The following RPS6KC1 variants were observed in gnomAD, a reference collection of about 807,000 sequenced individuals.
RPS6KC1 encodes inactive ribosomal protein S6 kinase delta-1.
RPS6KC1 carries 54 observed loss-of-function variants against 103.8 expected under a neutral mutation model. That is an observed-to-expected ratio of 0.52 (90% CI 0.42 to 0.65). RPS6KC1 has a LOEUF of 0.65. Among genes scored for constraint, RPS6KC1 ranks in the 30% least tolerant of loss-of-function variants. The probability of loss-of-function intolerance (pLI) is 0.00; values close to 1 mark genes in which losing one functional copy is unlikely to be tolerated. For missense variants in RPS6KC1, 1,151 were observed against 1,253.8 expected (o/e 0.92, Z 1.24); for synonymous variants, 439 against 438.7 (o/e 1.00, Z -0.01).
the RPS6KC1 span, among the ~76,000 whole-genome samples, chr1:213,327,253 A>AAAGAAAGAAAGG: frequency 6.6e-6 from 1 of 151,694 alleles, no homozygotes; most frequent in Non-Finnish European, 1.5e-5. Context: ...AGAAAGAAAG[A>AAAGAAAGAAAGG]AAGAAAGAAA....
the RPS6KC1 span, among the ~76,000 whole-genome samples, chr1:213,642,393 T>G: frequency 6.6e-6 from 1 of 152,158 alleles, no homozygotes; most frequent in Non-Finnish European, 1.5e-5. Flanking sequence ...TAAAAAGTGA[T>G]TTCTGATTAC....
At chr1:213,788,157 T>G in the RPS6KC1 span, among the ~76,000 whole-genome samples, 1 of 152,174 alleles carries the variant, frequency 6.6e-6, no homozygotes, top group Admixed American at 6.5e-5. Context: ...TTGGGGGTCA[T>G]GAAGACATTG....
the RPS6KC1 span, among the ~76,000 whole-genome samples, chr1:213,474,664 T>C: frequency 6.6e-6 from 1 of 152,264 alleles, no homozygotes; most frequent in Non-Finnish European, 1.5e-5. Context: ...TGTATCTGTG[T>C]CTGCAAATTA....
At chr1:213,474,173 G>A in the RPS6KC1 span, among the ~76,000 whole-genome samples, 20 of 152,098 alleles carry the variant, frequency 1.3e-4, no homozygotes, top group African/African-American at 4.8e-4. Context: ...TCCTGGGTTC[G>A]GGGGTAGATG....
chr1:213,695,475 C>T, the RPS6KC1 span, among the ~76,000 whole-genome samples: 1 of 152,194 alleles, frequency 6.6e-6, no homozygotes, highest in Non-Finnish European at 1.5e-5. Flanking sequence ...GAAGTAGAGT[C>T]AGGTGGGCTG....
At chr1:213,258,829 A>C (rs1420190495) in intron 12 of RPS6KC1, among the ~76,000 whole-genome samples, 2 of 152,222 alleles carry the variant, frequency 1.3e-5, no homozygotes, top group Admixed American at 6.5e-5. Flanking sequence ...GTACACTTCC[A>C]AAGGTGATAG....
chr1:213,545,498 C>T, the RPS6KC1 span, among the ~76,000 whole-genome samples: 2 of 152,106 alleles, frequency 1.3e-5, no homozygotes, highest in African/African-American at 4.8e-5. Flanking sequence ...AGTCTTCTCC[C>T]TGTGCCTCTT....
the RPS6KC1 span, among the ~76,000 whole-genome samples, chr1:213,537,228 C>T: frequency 6.6e-6 from 1 of 152,148 alleles, no homozygotes; most frequent in Non-Finnish European, 1.5e-5. Flanking sequence ...AAGAGTGAAT[C>T]TCTGGGTTGG....
At chr1:213,708,855 AT>A in the RPS6KC1 span, among the ~76,000 whole-genome samples, 1 of 152,148 alleles carries the variant, frequency 6.6e-6, no homozygotes, top group Non-Finnish European at 1.5e-5. Flanking sequence ...GATTACACTT[AT>A]TGATTTGTGT....
chr1:213,219,116 G>A (rs1328912035), intron 8 of RPS6KC1, among the ~76,000 whole-genome samples: 1 of 152,182 alleles, frequency 6.6e-6, no homozygotes, highest in Non-Finnish European at 1.5e-5. Context: ...CTACTTATCT[G>A]ACAAAGGGCT....
chr1:213,239,991 A>G lies in RPS6KC1; in HGVS notation c.1226-711A>G, dbSNP rs142058358. Reference sequence around the variant, plus strand: ...ATACTGGATTTTTTTTATTTCTCTGATTTACATGAAAGTGATTTTTATGAT... The same window carrying G: ...ATACTGGATTTTTTTTATTTCTCTGGTTTACATGAAAGTGATTTTTATGAT... On this transcript the variant is annotated intron_variant, in intron 10 of 14. Coordinates refer to ENST00000366960, the MANE Select transcript of RPS6KC1 (RefSeq NM_012424.6). 3.1e-3 allele frequency among the ~76,000 whole-genome samples: 468 copies of G among 152,200 alleles called. 2 individuals are homozygous for G. The highest frequency in any genetic ancestry group is 9.9e-3 in the African/African-American group (410 of 41,530).
chr1:213,696,550 T>C, the RPS6KC1 span, among the ~76,000 whole-genome samples: 7 of 150,878 alleles, frequency 4.6e-5, 1 homozygote, highest in African/African-American at 1.7e-4. Context: ...ACTCTCTTCT[T>C]AGGGAAGAAG....
At chr1:213,833,089 TGAAGA>T in the RPS6KC1 span, among the ~76,000 whole-genome samples, 2 of 152,130 alleles carry the variant, frequency 1.3e-5, no homozygotes, top group Admixed American at 6.6e-5. Context: ...CAGGGGATGC[TGAAGA>T]GAAGAGGGAG....
the RPS6KC1 span, among the ~76,000 whole-genome samples, chr1:213,279,959 A>T: frequency 3.3e-5 from 5 of 152,196 alleles, no homozygotes. Flanking sequence ...GATGATTCTG[A>T]TGCTTGCTCA....
the RPS6KC1 span, among the ~76,000 whole-genome samples, chr1:213,619,568 T>C: frequency 1.3e-5 from 2 of 152,196 alleles, no homozygotes; most frequent in South Asian, 4.1e-4. Flanking sequence ...TGCAACAGCA[T>C]CTCACTAATT....
the RPS6KC1 span, among the ~76,000 whole-genome samples, chr1:213,324,220 A>T: frequency 4.6e-5 from 7 of 152,264 alleles, no homozygotes; most frequent in African/African-American, 1.7e-4. Flanking sequence ...TTTATGCATC[A>T]GTACCAACGG....
At chr1:213,196,585 T>C (rs2092956607) in intron 8 of RPS6KC1, among the ~76,000 whole-genome samples, 4 of 152,202 alleles carry the variant, frequency 2.6e-5, no homozygotes, top group Admixed American at 2.6e-4. Flanking sequence ...GTTTTTCTGA[T>C]GTTATCTTCT....
At position 213,272,654 on chromosome 1, in the gene RPS6KC1, TC is replaced by T; in HGVS notation, c.*21del. The T allele has an allele frequency of 6.5e-7, 1 of 1,544,874 alleles. No homozygotes were observed. ...AGATGAACGTAATGCAGGGTTATCT[TC>T]ACACATTCTGATCTTCTCTGTGACA... On this transcript the variant is annotated 3_prime_UTR_variant, in exon 15 of 15. Transcript: ENST00000366960.
At chr1:213,849,748 C>A in the RPS6KC1 span, among the ~76,000 whole-genome samples, 1 of 152,144 alleles carries the variant, frequency 6.6e-6, no homozygotes, top group Non-Finnish European at 1.5e-5. Flanking sequence ...ATGAATACAG[C>A]AGAAGCTTCC....
Sources: allele counts gnomAD v4.1 joint callset (sites outside exome capture counted in the v4.1 genomes callset), GRCh38; gene constraint gnomAD v4.1.1; transcripts MANE v1.5; gene names NCBI Gene and HGNC (gene_info 2026-07-23, HGNC 2026-07-21).